The following RARS1 variants were observed in gnomAD, a reference collection of about 807,000 sequenced individuals.
RARS1 encodes arginine--tRNA ligase, cytoplasmic.
RARS1 carries 75 observed loss-of-function variants against 78.7 expected under a neutral mutation model. The ratio of observed to expected loss-of-function variants is 0.95; its 90% CI spans 0.79 to 1.15. The LOEUF (loss-of-function observed/expected upper bound fraction) is 1.15, where lower values mean the gene tolerates loss of function less well. Among genes scored for constraint, RARS1 ranks in the 50% most tolerant of loss-of-function variants. The probability of loss-of-function intolerance (pLI) is 0.00; values close to 1 mark genes in which losing one functional copy is unlikely to be tolerated. For synonymous variants in RARS1, 273 were observed against 268.2 expected (o/e 1.02, Z -0.18); for missense variants, 787 against 787.5 (o/e 1.00, Z 0.01).
At chr5:168,498,436 C>G (rs1436309338) in intron 7 of RARS1, among the ~76,000 whole-genome samples, 1 of 152,040 alleles carries the variant, frequency 6.6e-6, no homozygotes, top group Non-Finnish European at 1.5e-5. Context: ...TTGTGATCAA[C>G]TTTCTTTGAA....
Position 168,501,989 on chromosome 5 carries a change from T to C in RARS1, c.953-12T>C. 2 of 1,581,486 alleles carry C rather than the reference T, an allele frequency of 1.3e-6. No homozygotes were observed. The highest frequency in any genetic ancestry group is 1.7e-4 in the Middle Eastern group (1 of 5,850). ...TGCATTTTATTTGGTGGCATTTTAT[T>C]TTCTTCCCTAGAGTTAAATAAAATC... is the stretch of plus-strand genomic sequence containing the variant. On this transcript the variant is annotated splice_polypyrimidine_tract_variant and intron_variant, in intron 8 of 14. Coordinates refer to ENST00000231572, the MANE Select transcript of RARS1 (RefSeq NM_002887.4).
At chr5:168,500,352 T>A (rs933528811) in intron 7 of RARS1, among the ~76,000 whole-genome samples, 3 of 152,266 alleles carry the variant, frequency 2.0e-5, no homozygotes, top group African/African-American at 7.2e-5. Flanking sequence ...CTTTTGTGAA[T>A]TGGAAAAGTG....
chr5:168,518,289 G>A (rs1406162486), intron 14 of RARS1, among the ~76,000 whole-genome samples: 4 of 151,608 alleles, frequency 2.6e-5, no homozygotes, highest in South Asian at 4.2e-4. Flanking sequence ...GGGATGGGGT[G>A]CCATTAAAGC....
chr5:168,517,079 C>T (rs909982984), intron 13 of RARS1, 129 bp downstream of exon 13: 11 of 944,544 alleles, frequency 1.2e-5, no homozygotes, highest in South Asian at 5.0e-5. Flanking sequence ...CCACCTCAGC[C>T]TCCTGAGTAG....
chr5:168,518,071 CTTTTTTT>C lies in RARS1; in HGVS notation c.1873+27_1873+33del, dbSNP rs747777615. 465 of 747,760 alleles carry C rather than the reference CTTTTTTT, an allele frequency of 6.2e-4. No homozygotes were observed. The highest frequency in any genetic ancestry group is 3.2e-3 in the African/African-American group (68 of 21,418). The allele number at this position is 747,760 out of a possible 1,614,324, so 46.3% of individuals were successfully genotyped here. On this transcript the variant is annotated intron_variant, in intron 14 of 14. Transcript: ENST00000231572. Reference sequence around the variant, plus strand: ...GAAAGATAGACAGACTGGTGAGTGTCTTTTTTTTTTTTTTTTTTTTTTTTAGTGAGAG... The same window carrying C: ...GAAAGATAGACAGACTGGTGAGTGTCTTTTTTTTTTTTTTTTTAGTGAGAG...
chr5:168,487,967 G>A (rs1435989706), intron 1 of RARS1, among the ~76,000 whole-genome samples: 2 of 152,158 alleles, frequency 1.3e-5, no homozygotes, highest in African/African-American at 4.8e-5. Context: ...GGGAATAAAA[G>A]CAGGTTGGTC....
chr5:168,489,594 T>A (rs1034278846), intron 2 of RARS1, among the ~76,000 whole-genome samples: 1 of 152,178 alleles, frequency 6.6e-6, no homozygotes, highest in Non-Finnish European at 1.5e-5. Context: ...CAATTTTGTT[T>A]TAAAAAAATG....
chr5:168,498,400 C>T (rs1758244867), intron 7 of RARS1, among the ~76,000 whole-genome samples: 1 of 152,084 alleles, frequency 6.6e-6, no homozygotes, highest in African/African-American at 2.4e-5. Context: ...CAAATTTTCA[C>T]ATCATCCATA....
chr5:168,502,645 G>A (rs1318907749), intron 9 of RARS1, among the ~76,000 whole-genome samples: 2 of 145,044 alleles, frequency 1.4e-5, no homozygotes, highest in Admixed American at 7.1e-5. Flanking sequence ...GATCTCGGCT[G>A]ACTGCAACCT....
intron 11 of RARS1, among the ~76,000 whole-genome samples, chr5:168,509,438 A>ACCCC (rs10533468): frequency 2.5e-5 from 3 of 118,180 alleles, no homozygotes; most frequent in East Asian, 2.7e-4. Flanking sequence ...TTTTTTAAAC[A>ACCCC]CCCCCCCCCC....
In RARS1 at chr5:168,502,071, G is replaced by T; in HGVS notation, c.1023G>T (p.Arg341Ser). 6.2e-7 allele frequency: 1 copy of T among 1,603,396 alleles called. No homozygotes were observed. Among genetic ancestry groups the T allele is most frequent in the Non-Finnish European group, 8.5e-7 (1 of 1,175,032 alleles). Residue 341 changes from arginine to serine, a missense_variant, in exon 9 of 15, where the codon AGG (arginine) becomes AGT (serine). Coordinates refer to ENST00000231572, the MANE Select transcript of RARS1 (RefSeq NM_002887.4). ...IERGESFYQDRMNDIVKEFED... is the reference protein window; with the variant it reads ...IERGESFYQDSMNDIVKEFED... ...GAGGGGAATCCTTCTATCAAGATAG[G>T]ATGAATGATATTGTAAAGGAATTTG... is the stretch of plus-strand genomic sequence containing the variant.
At chr5:168,503,872 G>T (rs2445786) in intron 9 of RARS1, among the ~76,000 whole-genome samples, 1 of 151,518 alleles carries the variant, frequency 6.6e-6, no homozygotes, top group Non-Finnish European at 1.5e-5. Context: ...GGAGTTTGAG[G>T]TCAGTCTGCG....
intron 14 of RARS1, 89 bp from the exon 15 acceptor site, chr5:168,518,992 A>G: frequency 9.2e-7 from 1 of 1,088,624 alleles, no homozygotes; most frequent in Non-Finnish European, 1.4e-6. Context: ...ATGCACTTCT[A>G]ACTAAAATTT....
chr5:168,518,069 G>GTATTTTTTTTTT lies in RARS1; in HGVS notation c.1873+8_1873+9insATTTTTTTTTTT. 4 of 675,664 alleles carry GTATTTTTTTTTT rather than the reference G, an allele frequency of 5.9e-6. No individual in the cohort carries two copies. The highest frequency in any genetic ancestry group is 7.5e-6 in the Non-Finnish European group (4 of 533,930). The allele number at this position is 675,664 out of a possible 1,614,324, so 41.9% of individuals were successfully genotyped here. On this transcript the variant is annotated splice_region_variant and intron_variant, in intron 14 of 14. Transcript: ENST00000231572. ...GAGAAAGATAGACAGACTGGTGAGT[G>GTATTTTTTTTTT]TCTTTTTTTTTTTTTTTTTTTTTTT... is the stretch of plus-strand genomic sequence containing the variant.
chr5:168,493,362 C>G (rs1191807288), intron 3 of RARS1, among the ~76,000 whole-genome samples: 2 of 152,142 alleles, frequency 1.3e-5, no homozygotes, highest in East Asian at 3.9e-4. Flanking sequence ...AGGGGTTACT[C>G]TGAAGAGTCC....
At chr5:168,510,842 G>T (rs1310382461) in intron 12 of RARS1, among the ~76,000 whole-genome samples, 156 bp downstream of exon 12, 2 of 152,170 alleles carry the variant, frequency 1.3e-5, no homozygotes, top group Admixed American at 1.3e-4. Flanking sequence ...TTTATTTTGT[G>T]AATTGCTGAG....
intron 9 of RARS1, among the ~76,000 whole-genome samples, chr5:168,504,209 C>G (rs549614340): frequency 3.3e-5 from 5 of 151,888 alleles, no homozygotes; most frequent in African/African-American, 1.2e-4. Flanking sequence ...ATGTGTGAGA[C>G]CCTGTCTCTA....
chr5:168,514,380 C>G (rs1480256866), intron 12 of RARS1, among the ~76,000 whole-genome samples: 3 of 152,120 alleles, frequency 2.0e-5, no homozygotes, highest in Admixed American at 1.3e-4. Flanking sequence ...GTTTCTTATG[C>G]TCTAATTCAT....
intron 9 of RARS1, among the ~76,000 whole-genome samples, chr5:168,503,616 G>GTAGTTAGT (rs3084550): frequency 1.3e-5 from 2 of 150,946 alleles, no homozygotes; most frequent in East Asian, 1.9e-4. Flanking sequence ...AACCCCTTTG[G>GTAGTTAGT]TAGTTAGTTA....
Sources: allele counts gnomAD v4.1 joint callset (sites outside exome capture counted in the v4.1 genomes callset), GRCh38; gene constraint gnomAD v4.1.1; transcripts MANE v1.5; gene names NCBI Gene and HGNC (gene_info 2026-07-23, HGNC 2026-07-21).